The following PPP1R15A variants were observed in gnomAD, a reference collection of about 807,000 sequenced individuals.
PPP1R15A encodes the protein protein phosphatase 1 regulatory subunit 15A, also known as growth arrest and DNA damage-inducible protein GADD34.
In PPP1R15A, 43 loss-of-function variants were observed where a neutral mutation model predicts 48.5. That is an observed-to-expected ratio of 0.89 (90% confidence interval 0.69 to 1.14). The LOEUF (loss-of-function observed/expected upper bound fraction) is 1.14, where lower values mean the gene tolerates loss of function less well. PPP1R15A is among the 50% of genes most tolerant of loss of function. The pLI is 0.00. For synonymous variants in PPP1R15A, 327 were observed against 327.4 expected, an observed-to-expected ratio of 1.00 and a Z score of 0.01; for missense variants, 868 against 847.2, an observed-to-expected ratio of 1.02 and a Z score of -0.30.
Position 48,875,652 on chromosome 19 carries a change from T to C in PPP1R15A, c.1704T>C (p.Ala568=). The C allele has an allele frequency of 6.2e-7, 1 of 1,608,090 alleles. No individual in the cohort carries two copies. Among genetic ancestry groups the C allele is most frequent in the Non-Finnish European group, 8.5e-7 (1 of 1,177,798 alleles). ...AGAAGGTCACTGTCCATTTCCTGGCTGTCTGGGCAGGGCCGGCCCAGGCCG... is the reference window on the plus strand; with the variant it reads ...AGAAGGTCACTGTCCATTTCCTGGCCGTCTGGGCAGGGCCGGCCCAGGCCG... The part of the protein sequence containing the change: ...FSEKVTVHFL[A]VWAGPAQAAR... Residue 568 remains alanine, a synonymous_variant, in exon 3 of 3, where the codon GCT becomes GCC. Transcript: ENST00000200453.
At position 48,874,072 on chromosome 19, in the gene PPP1R15A, GGAA is replaced by G. The variant is rs2037045952; in HGVS notation, c.840_842del (p.Lys281del). ...GAGGAAAAGGCACACAAAGAAACTG[GGAA>G]AGGAGAAGCTGCCCCAGGGCCGCAA... On this transcript the variant is annotated inframe_deletion, in exon 2 of 3. Transcript: ENST00000200453. 2.5e-6 allele frequency: 4 copies of G among 1,614,202 alleles called. No homozygotes were observed. The East Asian group carries it at 8.9e-5, about 36-fold the overall frequency.
At chr19:48,875,206 C>T (rs2037066577) in intron 2 of PPP1R15A, 2 of 341,638 alleles carry the variant, frequency 5.9e-6, no homozygotes, top group Non-Finnish European at 1.1e-5. Flanking sequence ...GCTGGGATTA[C>T]AGGCGTGAGC....
Position 48,875,662 on chromosome 19 carries a change from G to GGGCCGGCCCAGGCC in PPP1R15A, c.1716_1729dup (p.Ala577GlyfsTer32). 6.2e-7 allele frequency: 1 copy of GGGCCGGCCCAGGCC among 1,609,894 alleles called. No homozygotes were observed. Among genetic ancestry groups the GGGCCGGCCCAGGCC allele is most frequent in the Middle Eastern group, 1.7e-4 (1 of 6,048 alleles). On this transcript the variant is annotated frameshift_variant, in exon 3 of 3. Transcript: ENST00000200453. LOFTEE classifies it low-confidence loss of function (END_TRUNC). ...TGTCCATTTCCTGGCTGTCTGGGCAGGGCCGGCCCAGGCCGCCCGCCAGGG... is the reference window on the plus strand; with the variant it reads ...TGTCCATTTCCTGGCTGTCTGGGCAGGGCCGGCCCAGGCCGGCCGGCCCAGGCCGCCCGCCAGGG...
In PPP1R15A at chr19:48,875,988, C is replaced by A; in HGVS notation, c.*15C>A. 6.5e-7 allele frequency: 1 copy of A among 1,535,126 alleles called. No homozygotes were observed. The highest frequency in any genetic ancestry group is 2.2e-5 in the Admixed American group (1 of 46,266). On this transcript the variant is annotated 3_prime_UTR_variant, in exon 3 of 3. Coordinates refer to ENST00000200453, the MANE Select transcript of PPP1R15A (RefSeq NM_014330.5). ...GGCGTGGCTGAGACCAACTGGTTTGCCTATAATTTATTAACTATTTATTTT... is the reference window on the plus strand; with the variant it reads ...GGCGTGGCTGAGACCAACTGGTTTGACTATAATTTATTAACTATTTATTTT...
chr19:48,874,870 A>G lies in PPP1R15A; in HGVS notation c.1637A>G (p.Asp546Gly). Residue 546 changes from aspartate to glycine, a missense_variant, in exon 2 of 3, where the codon GAC (aspartate) becomes GGC (glycine). Coordinates refer to ENST00000200453, the MANE Select transcript of PPP1R15A (RefSeq NM_014330.5). ...CCAGAAACCCCTACTCATGATCCGG[A>G]CCCTGAGACTCCCCTAAAGGCCAGA... ...KRPETPTHDP[D>G]PETPLKARKV... The G allele has an allele frequency of 1.3e-6, 2 of 1,588,956 alleles. No homozygotes were observed. Among genetic ancestry groups the G allele is most frequent in the Non-Finnish European group, 1.7e-6 (2 of 1,171,418 alleles).
rs887145005 is a variant in PPP1R15A at position 48,872,642 on chromosome 19, C to G, written c.-19C>G. ...CTCCTGCCCCCGGGGTGACGCGCAG[C>G]TCCCAGCCGGTGAGTAAGGGGTCGG... On this transcript the variant is annotated 5_prime_UTR_variant, in exon 1 of 3. Coordinates refer to ENST00000200453, the MANE Select transcript of PPP1R15A (RefSeq NM_014330.5). 14 of 370,412 alleles carry G rather than the reference C, an allele frequency of 3.8e-5. No homozygotes were observed. The highest frequency in any genetic ancestry group is 2.9e-4 in the African/African-American group (14 of 47,580). The allele number at this position is 370,412 out of a possible 1,614,324, so 22.9% of individuals were successfully genotyped here.
Position 48,873,923 on chromosome 19 carries a change from A to G in PPP1R15A, c.690A>G (p.Gln230=). The G allele has an allele frequency of 6.2e-7, 1 of 1,614,056 alleles. No homozygotes were observed. The highest frequency in any genetic ancestry group is 8.5e-7 in the Non-Finnish European group (1 of 1,180,010). Reference sequence around the variant, plus strand: ...CTTGCCCAGGGGAGGAAGAGAATCAAGCCACGGAGGATAAAAGAACAGAAA... The same window carrying G: ...CTTGCCCAGGGGAGGAAGAGAATCAGGCCACGGAGGATAAAAGAACAGAAA... ...WVSCPGEEEN[Q]ATEDKRTERS... The change falls in exon 2 of 3, where the codon CAA becomes CAG. Residue 230 remains glutamine, a synonymous_variant. Transcript: ENST00000200453.
In PPP1R15A at chr19:48,874,434, G is replaced by A; in HGVS notation, c.1201G>A (p.Glu401Lys). ...YQPGEDTEEE[E>K]DEDSDTGSAE... ...GCCAGGAGAGGACACAGAGGAGGAGGAAGATGAGGACAGTGATACAGGATC... is the reference window on the plus strand; with the variant it reads ...GCCAGGAGAGGACACAGAGGAGGAGAAAGATGAGGACAGTGATACAGGATC... The change falls in exon 2 of 3, where the codon GAA (glutamate) becomes AAA (lysine). Residue 401 changes from glutamate to lysine, a missense_variant. Coordinates refer to ENST00000200453, the MANE Select transcript of PPP1R15A (RefSeq NM_014330.5). 6.2e-7 allele frequency: 1 copy of A among 1,614,138 alleles called. No individual in the cohort carries two copies. Among genetic ancestry groups the A allele is most frequent in the Non-Finnish European group, 8.5e-7 (1 of 1,180,018 alleles).
chr19:48,875,062 G>T, intron 2 of PPP1R15A, 164 bp downstream of exon 2: 2 of 845,502 alleles, frequency 2.4e-6, no homozygotes, highest in Non-Finnish European at 1.7e-6. Flanking sequence ...GAGTATCTGG[G>T]ATTACAGGCG....
In PPP1R15A at chr19:48,875,855, C is replaced by T; in HGVS notation, c.1907C>T (p.Ser636Phe). 6.2e-7 allele frequency: 1 copy of T among 1,614,168 alleles called. No homozygotes were observed. The highest frequency in any genetic ancestry group is 8.5e-7 in the Non-Finnish European group (1 of 1,179,994). Residue 636 changes from serine to phenylalanine, a missense_variant, in exon 3 of 3, where the codon TCC becomes TTC. Ser to Phe is a radical substitution (Grantham distance 155, BLOSUM62 -2). Transcript: ENST00000200453. The part of the protein sequence containing the change: ...PIPALTQTLP[S>F]SSVPSSPVQT... ...CCTGCCCTCACCCAGACCTTGCCTTCCTCCTCTGTCCCTTCGTCCCCAGTC... is the reference window on the plus strand; with the variant it reads ...CCTGCCCTCACCCAGACCTTGCCTTTCTCCTCTGTCCCTTCGTCCCCAGTC...
At position 48,873,656 on chromosome 19, in the gene PPP1R15A, C is replaced by T. The variant is rs1568562866; in HGVS notation, c.423C>T (p.Pro141=). The change falls in exon 2 of 3, where the codon CCC becomes CCT. Residue 141 remains proline, a synonymous_variant. Coordinates refer to ENST00000200453, the MANE Select transcript of PPP1R15A (RefSeq NM_014330.5). ...GSQFADGQRA[P]LSPSLLIRTL... is the part of the protein sequence containing the mutation. ...AATTTGCAGATGGCCAGCGTGCTCC[C>T]CTGTCTCCCAGCCTTCTGATAAGGA... 6.2e-7 allele frequency: 1 copy of T among 1,614,022 alleles called. No individual in the cohort carries two copies. The highest frequency in any genetic ancestry group is 1.3e-5 in the African/African-American group (1 of 74,900).
Position 48,874,609 on chromosome 19 carries a change from C to G in PPP1R15A, c.1376C>G (p.Ala459Gly). The change falls in exon 2 of 3, where the codon GCA becomes GGA. Residue 459 changes from alanine to glycine, a missense_variant. Ala to Gly is a moderately conservative substitution (Grantham distance 60). Transcript: ENST00000200453. ...DSEDKEDDSE[A>G]ALGEAESDPH... is the part of the protein sequence containing the mutation. ...GAGGATAAGGAAGATGATTCAGAAG[C>G]AGCCTTGGGAGAAGCTGAGTCAGAC... 1 of 1,614,156 alleles carries G rather than the reference C, an allele frequency of 6.2e-7. No homozygotes were observed. Among genetic ancestry groups the G allele is most frequent in the Non-Finnish European group, 8.5e-7 (1 of 1,180,018 alleles).
At chr19:48,875,224 T>G in intron 2 of PPP1R15A, 1 of 323,638 alleles carries the variant, frequency 3.1e-6, no homozygotes, top group Non-Finnish European at 5.7e-6. Flanking sequence ...AGCTACCACA[T>G]CTGGCTGAGA....
In PPP1R15A at chr19:48,874,031, G is replaced by A. The variant is rs545597306; in HGVS notation, c.798G>A (p.Glu266=). 1.8e-4 allele frequency: 295 copies of A among 1,614,186 alleles called. 3 individuals are homozygous for A. In the South Asian group the frequency reaches 3.2e-3, roughly 17 times the overall value. The change falls in exon 2 of 3, where the codon GAG becomes GAA. Residue 266 remains glutamate, a synonymous_variant. Transcript: ENST00000200453. ...DPRSWEYRSG[E]ASEEKEEKAH... is the part of the protein sequence containing the mutation. ...GGTCCTGGGAGTATCGTTCAGGAGA[G>A]GCGTCCGAGGAGAAGGAGGAAAAGG...
chr19:48,874,980 C>T, intron 2 of PPP1R15A, 82 bp downstream of exon 2: 1 of 1,404,550 alleles, frequency 7.1e-7, no homozygotes, highest in Non-Finnish European at 9.3e-7. Flanking sequence ...GGCTGGAGTG[C>T]AGCGGCATGA....
chr19:48,873,785 G>A lies in PPP1R15A; in HGVS notation c.552G>A (p.Arg184=), dbSNP rs77377218. 1,096 of 1,614,024 alleles carry A rather than the reference G, an allele frequency of 6.8e-4. 7 individuals are homozygous for A. The African/African-American group carries it at 0.013, about 19-fold the overall frequency. Residue 184 remains arginine (R), a synonymous_variant, in exon 2 of 3, where the codon CGG becomes CGA. Transcript: ENST00000200453. ...VNKFSYPPSH[R]ECCPAVEEED... is the part of the protein sequence containing the mutation. ...AGTTCTCTTATCCACCATCACACCG[G>A]GAGTGTTGTCCAGCCGTGGAGGAGG... is the stretch of plus-strand genomic sequence containing the variant.
At position 48,874,030 on chromosome 19, in the gene PPP1R15A, A is replaced by C; in HGVS notation, c.797A>C (p.Glu266Ala). Residue 266 changes from glutamate (E) to alanine (A), a missense_variant, in exon 2 of 3, where the codon GAG becomes GCG. Glu to Ala is a moderately radical substitution (Grantham distance 107). Transcript: ENST00000200453. ...AGGTCCTGGGAGTATCGTTCAGGAG[A>C]GGCGTCCGAGGAGAAGGAGGAAAAG... ...DPRSWEYRSG[E>A]ASEEKEEKAH... The C allele has an allele frequency of 6.2e-7, 1 of 1,614,112 alleles. No homozygotes were observed. Among genetic ancestry groups the C allele is most frequent in the Non-Finnish European group, 8.5e-7 (1 of 1,180,018 alleles).
Position 48,875,730 on chromosome 19 carries a change from C to G in PPP1R15A, c.1782C>G (p.Arg594=). The G allele has an allele frequency of 6.2e-7, 1 of 1,613,250 alleles. No individual in the cohort carries two copies. Among genetic ancestry groups the G allele is most frequent in the East Asian group, 2.2e-5 (1 of 44,848 alleles). ...QLARDRSRFA[R]RITQAQEELS... ...CTCGGGATCGCAGCCGCTTCGCACG[C>G]CGCATCACCCAGGCCCAGGAGGAGC... The change falls in exon 3 of 3, where the codon CGC becomes CGG. Residue 594 remains arginine (R), a synonymous_variant. Transcript: ENST00000200453.
Position 48,875,939 on chromosome 19 carries a change from C to T in PPP1R15A, c.1991C>T (p.Ala664Val), listed in dbSNP as rs753354896. ...ATPSRSSAAA[A>V]AALDLSGRRG ...CCTTCCCGCTCGTCTGCTGCTGCAG[C>T]GGCTGCCCTGGACCTCAGTGGGAGG... Residue 664 changes from alanine to valine, a missense_variant, in exon 3 of 3, where the codon GCG (alanine) becomes GTG (valine). By Grantham distance (64) the Ala-to-Val change is moderately conservative. Transcript: ENST00000200453. 5.1e-5 allele frequency: 82 copies of T among 1,606,790 alleles called. No individual in the cohort carries two copies. In the East Asian group the frequency reaches 1.6e-3, roughly 31 times the overall value.
Sources: allele counts gnomAD v4.1 joint callset, GRCh38; gene constraint gnomAD v4.1.1; transcripts MANE v1.5; gene names NCBI Gene and HGNC (gene_info 2026-07-23, HGNC 2026-07-21).